Variants in MGMT observed in about 807,000 individuals in gnomAD.
MGMT encodes methylated-DNA--protein-cysteine methyltransferase.
A neutral mutation model predicts 15.9 loss-of-function variants in MGMT; 14 were observed. The observed-to-expected ratio is 0.88, with a 90% confidence interval of 0.58 to 1.37. The LOEUF (loss-of-function observed/expected upper bound fraction) is 1.37, where lower values mean the gene tolerates loss of function less well. Among genes scored for constraint, MGMT ranks in the 40% most tolerant of loss-of-function variants. The probability of loss-of-function intolerance (pLI) is 0.00; values close to 1 mark genes in which losing one functional copy is unlikely to be tolerated. For synonymous variants in MGMT, 130 were observed against 118.2 expected (o/e 1.10, Z -0.65); for missense variants, 282 against 268.1 (o/e 1.05, Z -0.36).
intron 1 of MGMT, among the ~76,000 whole-genome samples, chr10:129,494,311 G>A (rs1300078417): frequency 6.6e-6 from 1 of 152,158 alleles, no homozygotes; most frequent in Non-Finnish European, 1.5e-5. Context: ...TGGGTGGGGT[G>A]TGTGCTGGAC....
At chr10:129,631,309 A>G (rs1042892287) in intron 2 of MGMT, among the ~76,000 whole-genome samples, 2 of 152,330 alleles carry the variant, frequency 1.3e-5, no homozygotes, top group East Asian at 1.9e-4. Flanking sequence ...AAAGAGCCAA[A>G]TAGTAATTTG....
intron 2 of MGMT, among the ~76,000 whole-genome samples, chr10:129,577,829 G>A (rs1334199378): frequency 8.0e-6 from 1 of 124,556 alleles, no homozygotes; most frequent in African/African-American, 2.6e-5. Flanking sequence ...TGAATTCAAA[G>A]AAATTTACAA....
intron 3 of MGMT, among the ~76,000 whole-genome samples, chr10:129,729,496 G>C (rs1278032314): frequency 1.3e-5 from 2 of 152,202 alleles, no homozygotes; most frequent in Non-Finnish European, 2.9e-5. Flanking sequence ...ACCAAAGTCA[G>C]CTGTGCCGTT....
chr10:129,698,891 T>C (rs1237126291), intron 2 of MGMT, among the ~76,000 whole-genome samples: 4 of 152,218 alleles, frequency 2.6e-5, no homozygotes, highest in African/African-American at 9.6e-5. Context: ...TAATCAACAG[T>C]CAGGCACCGC....
chr10:129,731,138 G>A (rs1025992302), intron 3 of MGMT, among the ~76,000 whole-genome samples: 1 of 152,128 alleles, frequency 6.6e-6, no homozygotes, highest in African/African-American at 2.4e-5. Context: ...CTGAGGTCGT[G>A]TTCTGGCGTG....
intron 2 of MGMT, among the ~76,000 whole-genome samples, chr10:129,697,179 T>C (rs937372140): frequency 6.6e-6 from 1 of 152,342 alleles, no homozygotes; most frequent in Middle Eastern, 3.4e-3. Flanking sequence ...AATGGGGCAG[T>C]GGGCCTGGAT....
intron 1 of MGMT, among the ~76,000 whole-genome samples, chr10:129,468,285 A>G (rs1845193045): frequency 6.6e-6 from 1 of 152,124 alleles, no homozygotes. Flanking sequence ...TAAAAACCCA[A>G]AGCTTAGCGC....
At chr10:129,729,290 G>A (rs1365994577) in intron 3 of MGMT, among the ~76,000 whole-genome samples, 1 of 152,190 alleles carries the variant, frequency 6.6e-6, no homozygotes, top group Non-Finnish European at 1.5e-5. Flanking sequence ...CACAGGGAAG[G>A]CACCTTTGCA....
intron 1 of MGMT, among the ~76,000 whole-genome samples, chr10:129,482,617 A>T (rs1275460347): frequency 1.3e-5 from 2 of 152,102 alleles, no homozygotes; most frequent in Non-Finnish European, 2.9e-5. Flanking sequence ...TAACATCCTC[A>T]TGGGGAATTA....
chr10:129,632,909 A>G (rs1252301437), intron 2 of MGMT, among the ~76,000 whole-genome samples: 1 of 152,232 alleles, frequency 6.6e-6, no homozygotes, highest in Non-Finnish European at 1.5e-5. Context: ...TAAATATATC[A>G]TCTGAAAATA....
chr10:129,729,154 A>G (rs1848467653), intron 3 of MGMT, among the ~76,000 whole-genome samples: 2 of 152,080 alleles, frequency 1.3e-5, no homozygotes, highest in Non-Finnish European at 2.9e-5. Flanking sequence ...ACCTGAGTGG[A>G]CAGGGAGACC....
intron 4 of MGMT, among the ~76,000 whole-genome samples, chr10:129,762,004 A>G (rs1192041867): frequency 6.6e-6 from 1 of 152,244 alleles, no homozygotes; most frequent in Non-Finnish European, 1.5e-5. Context: ...AGTTCCCATT[A>G]GAAACCTCAT....
chr10:129,665,927 T>C (rs1309477902), intron 2 of MGMT, among the ~76,000 whole-genome samples: 1 of 152,164 alleles, frequency 6.6e-6, no homozygotes, highest in Non-Finnish European at 1.5e-5. Context: ...GGATTATATG[T>C]TAGATAAAAG....
intron 1 of MGMT, among the ~76,000 whole-genome samples, chr10:129,474,524 A>G (rs1196690405): frequency 2.6e-5 from 4 of 152,092 alleles, no homozygotes; most frequent in Non-Finnish European, 4.4e-5. Flanking sequence ...CTGGCTTTGG[A>G]AGGGTAGACA....
At chr10:129,709,091 C>G (rs924957627) in intron 3 of MGMT, among the ~76,000 whole-genome samples, 1 of 152,234 alleles carries the variant, frequency 6.6e-6, no homozygotes, top group Non-Finnish European at 1.5e-5. Context: ...AACCAGGCAC[C>G]TTGCTGTCCT....
chr10:129,479,234 T>C (rs951258502), intron 1 of MGMT, among the ~76,000 whole-genome samples: 1 of 143,152 alleles, frequency 7.0e-6, no homozygotes, highest in Non-Finnish European at 1.5e-5. Flanking sequence ...TGGGGACATA[T>C]AATAATTGAT....
intron 2 of MGMT, among the ~76,000 whole-genome samples, chr10:129,596,664 A>T (rs973138484): frequency 9.9e-5 from 15 of 152,230 alleles, no homozygotes; most frequent in African/African-American, 3.6e-4. Flanking sequence ...AACAAAAATA[A>T]TAGGATTGCA....
chr10:129,614,039 C>T (rs536436023), intron 2 of MGMT, among the ~76,000 whole-genome samples: 36 of 152,320 alleles, frequency 2.4e-4, no homozygotes, highest in Admixed American at 1.3e-3. Context: ...GCCATCACCA[C>T]CACCCATCCT....
chr10:129,618,024 C>T (rs963906741), intron 2 of MGMT, among the ~76,000 whole-genome samples: 3 of 151,994 alleles, frequency 2.0e-5, no homozygotes, highest in Non-Finnish European at 2.9e-5. Context: ...GTGTGGGCTG[C>T]ACCACTGTCT....
Sources: gnomAD v4.1 joint callset for allele counts (sites outside exome capture counted in the v4.1 genomes callset) on GRCh38, gnomAD v4.1.1 for gene constraint, MANE v1.5 for transcripts, NCBI Gene and HGNC (gene_info 2026-07-23, HGNC 2026-07-21) for gene names.